Variants in NSD3 observed in about 807,000 individuals in gnomAD.
The protein encoded by NSD3 is nuclear receptor binding SET domain protein 3, also known as histone-lysine N-methyltransferase NSD3.
In NSD3, 24 loss-of-function variants were observed where a neutral mutation model predicts 160.8. The ratio of observed to expected loss-of-function variants is 0.15; its 90% CI spans 0.11 to 0.21. NSD3 has a LOEUF of 0.21. NSD3 is among the 10% of genes least tolerant of loss of function. The probability of loss-of-function intolerance (pLI) is 1.00; values close to 1 mark genes in which losing one functional copy is unlikely to be tolerated. For synonymous variants in NSD3, 520 were observed against 600.0 expected (o/e 0.87, Z 1.95); for missense variants, 1,157 against 1,735.9 (o/e 0.67, Z 5.93).
chr8:38,305,132 A>T (rs1208591157), intron 13 of NSD3, 116 bp downstream of exon 13: 1 of 1,046,676 alleles, frequency 9.6e-7, no homozygotes, highest in Non-Finnish European at 1.4e-6. Flanking sequence ...TGAACTGTTA[A>T]AGCTAGAGAT....
intron 4 of NSD3, among the ~76,000 whole-genome samples, chr8:38,335,017 C>G (rs1810180167): frequency 7.0e-6 from 1 of 143,806 alleles, no homozygotes; most frequent in Non-Finnish European, 1.5e-5. Context: ...CCAAGTCTCA[C>G]TCTGTCACCC....
chr8:38,284,496 C>T (rs992972269), intron 19 of NSD3, among the ~76,000 whole-genome samples: 5 of 152,240 alleles, frequency 3.3e-5, no homozygotes, highest in Non-Finnish European at 7.3e-5. Context: ...TCAAGCGATT[C>T]TCCTGCCTCA....
At chr8:38,357,118 CAAA>C (rs966483645) in intron 1 of NSD3, among the ~76,000 whole-genome samples, 5 of 21,314 alleles carry the variant, frequency 2.3e-4, no homozygotes, top group South Asian at 2.1e-3. Context: ...GACACCATCT[CAAA>C]AAAAAAAAAA....
At chr8:38,376,913 CAACT>C (rs1249255414) in intron 1 of NSD3, among the ~76,000 whole-genome samples, 4 of 152,022 alleles carry the variant, frequency 2.6e-5, no homozygotes, top group African/African-American at 9.7e-5. Flanking sequence ...AATTCAGGAC[CAACT>C]ATTATTTACT....
At chr8:38,324,229 A>C (rs758981988) in intron 7 of NSD3, among the ~76,000 whole-genome samples, 2 of 152,124 alleles carry the variant, frequency 1.3e-5, no homozygotes, top group African/African-American at 2.4e-5. Context: ...GGACTTTGCT[A>C]TTCACTCCCT....
rs1172010438 is a variant in NSD3 at position 38,288,793 on chromosome 8, G to C, written c.3232-37C>G. On this transcript the variant is annotated intron_variant, in intron 18 of 23. Transcript: ENST00000317025. This position sits in a 1 kb window ranked among gnomAD's most constrained non-coding sequence, Gnocchi z 4.5. Reference sequence around the variant, plus strand: ...AATCGCAAGCGAGAGAGAGGCAGCAGGTAAGTCATCTGGCAATGTGAACAG... The same window carrying C: ...AATCGCAAGCGAGAGAGAGGCAGCACGTAAGTCATCTGGCAATGTGAACAG... 1 of 1,600,734 alleles carries C rather than the reference G, an allele frequency of 6.2e-7. No individual in the cohort carries two copies. The highest frequency in any genetic ancestry group is 2.2e-5 in the East Asian group (1 of 44,692).
intron 1 of NSD3, among the ~76,000 whole-genome samples, chr8:38,374,986 A>C (rs891273114): frequency 7.9e-5 from 12 of 152,200 alleles, no homozygotes; most frequent in Non-Finnish European, 1.5e-4. Context: ...CCTGGGCAAC[A>C]GAGGGAGACT....
intron 12 of NSD3, 149 bp from the exon 13 acceptor site, chr8:38,305,594 G>A: frequency 1.5e-6 from 1 of 681,394 alleles, no homozygotes; most frequent in Non-Finnish European, 2.3e-6. Context: ...TAAAATAAAT[G>A]CTAAATTAAA....
Position 38,316,084 on chromosome 8 carries a change from A to G in NSD3, c.1856-42T>C, listed in dbSNP as rs1354906266. ...GAAATTAATCCTAAAATAGTACTTA[A>G]GGTTTGTTTTAATTTTTTTGTGTGT... is the stretch of plus-strand genomic sequence containing the variant. On this transcript the variant is annotated intron_variant, in intron 9 of 23. Coordinates refer to ENST00000317025, the MANE Select transcript of NSD3 (RefSeq NM_023034.2). This position sits in a 1 kb window ranked among gnomAD's most constrained non-coding sequence, Gnocchi z 4.5. The G allele has an allele frequency of 1.3e-6, 2 of 1,598,178 alleles. No homozygotes were observed. The highest frequency in any genetic ancestry group is 2.2e-5 in the East Asian group (1 of 44,652).
intron 1 of NSD3, among the ~76,000 whole-genome samples, chr8:38,368,927 T>A (rs1190762718): frequency 6.6e-6 from 1 of 152,182 alleles, no homozygotes; most frequent in Admixed American, 6.5e-5. Context: ...GGACAAACTT[T>A]TAAATTATGG....
chr8:38,359,173 T>A lies in NSD3; in HGVS notation c.-44-10958A>T, dbSNP rs1486749710. Among the ~76,000 whole-genome samples, 3 of 152,282 alleles carry A rather than the reference T, an allele frequency of 2.0e-5. 1 individual carries two copies. The highest frequency in any genetic ancestry group is 2.0e-4 in the Admixed American group (3 of 15,284). On this transcript the variant is annotated intron_variant, in intron 1 of 23. Transcript: ENST00000317025. ...CATTTAGGTTTTCATAATTAAAAAA[T>A]TTTTAGTAATACAGTAACAAATGTG...
chr8:38,378,680 G>A (rs1811462355), intron 1 of NSD3, among the ~76,000 whole-genome samples: 1 of 151,990 alleles, frequency 6.6e-6, no homozygotes, highest in Non-Finnish European at 1.5e-5. Context: ...AAAATTAGAA[G>A]GGCATGGTGG....
At chr8:38,356,215 T>C (rs1371705864) in intron 1 of NSD3, among the ~76,000 whole-genome samples, 1 of 152,196 alleles carries the variant, frequency 6.6e-6, no homozygotes, top group African/African-American at 2.4e-5. Flanking sequence ...TTAAAAAAGA[T>C]AAATCAATCA....
At chr8:38,328,122 G>C (rs1035881890) in intron 6 of NSD3, among the ~76,000 whole-genome samples, 2 of 152,034 alleles carry the variant, frequency 1.3e-5, no homozygotes, top group East Asian at 3.9e-4. Context: ...ATCCCTTGGG[G>C]CTGCAGTGAG....
At chr8:38,342,118 T>A (rs952557690) in intron 2 of NSD3, among the ~76,000 whole-genome samples, 1 of 152,098 alleles carries the variant, frequency 6.6e-6, no homozygotes. Context: ...TTAAAAGAAA[T>A]AAGTGGCTAG....
chr8:38,356,120 A>G (rs1452274470), intron 1 of NSD3, among the ~76,000 whole-genome samples: 2 of 152,226 alleles, frequency 1.3e-5, no homozygotes, highest in Non-Finnish European at 2.9e-5. Context: ...ATCCATTCTA[A>G]TATGTACTTT....
In NSD3 at chr8:38,317,640, A is replaced by C; in HGVS notation, c.1855+1255T>G. 8.4e-7 allele frequency: 1 copy of C among 1,192,298 alleles called. No individual in the cohort carries two copies. Among genetic ancestry groups the C allele is most frequent in the South Asian group, 2.3e-5 (1 of 43,540 alleles). 73.9% of individuals were successfully genotyped at this position (1,192,298 alleles called of 1,614,324 possible). A position where few individuals can be genotyped will look rare whatever the true frequency, so the allele number is the denominator to read the frequency against. The stretch of plus-strand genomic sequence containing the variant: ...GGCAAACCCCTGCAGATGTGCATTA[A>C]TGATGCTTTATTTAAAAACAAAAAA... On this transcript the variant is annotated intron_variant, in intron 9 of 23. Transcript: ENST00000317025. This position sits in a 1 kb window ranked among gnomAD's most constrained non-coding sequence, Gnocchi z 5.3.
At chr8:38,283,008 TGA>T (rs1307137921) in intron 19 of NSD3, among the ~76,000 whole-genome samples, 2 of 152,180 alleles carry the variant, frequency 1.3e-5, no homozygotes, top group Non-Finnish European at 2.9e-5. Flanking sequence ...CACCATATGG[TGA>T]GTGTATGTTT....
intron 1 of NSD3, among the ~76,000 whole-genome samples, chr8:38,371,285 G>C (rs145583989): frequency 0.017 from 2,511 of 152,034 alleles, 33 homozygotes; most frequent in Non-Finnish European, 0.022. Flanking sequence ...CAATTTCTCT[G>C]TATAAACAAT....
Sources: gnomAD v4.1 joint callset for allele counts (sites outside exome capture counted in the v4.1 genomes callset) on GRCh38, gnomAD v4.1.1 for gene constraint, Gnocchi (gnomAD v3.1) non-coding constraint, MANE v1.5 for transcripts, NCBI Gene and HGNC (gene_info 2026-07-23, HGNC 2026-07-21) for gene names.